The following ADGRL2 variants were observed in gnomAD, a reference collection of about 807,000 sequenced individuals.
The protein encoded by ADGRL2 is adhesion G protein-coupled receptor L2.
In ADGRL2, 44 loss-of-function variants were observed where a neutral mutation model predicts 157.4. The ratio of observed to expected loss-of-function variants is 0.28; its 90% CI spans 0.22 to 0.36. ADGRL2 has a LOEUF of 0.36. ADGRL2 is among the 10% of genes least tolerant of loss of function. ADGRL2 has a pLI of 1.00. For missense variants in ADGRL2, 1,510 were observed against 1,768.9 expected, an observed-to-expected ratio of 0.85 and a Z score of 2.63; for synonymous variants, 585 against 624.7, an observed-to-expected ratio of 0.94 and a Z score of 0.95.
chr1:81,581,901 CA>C (rs2080921685), intron 3 of ADGRL2, among the ~76,000 whole-genome samples: 4 of 151,716 alleles, frequency 2.6e-5, no homozygotes, highest in African/African-American at 9.7e-5. Flanking sequence ...CACACACACA[CA>C]CACACACACC....
intron 1 of ADGRL2, among the ~76,000 whole-genome samples, chr1:81,441,485 A>G (rs1230955301): frequency 6.6e-6 from 1 of 152,154 alleles, no homozygotes; most frequent in Non-Finnish European, 1.5e-5. Context: ...CCTCTAGCCC[A>G]AACTGAATAT....
chr1:81,507,625 C>T (rs893449180), intron 2 of ADGRL2, among the ~76,000 whole-genome samples: 1 of 152,034 alleles, frequency 6.6e-6, no homozygotes, highest in East Asian at 1.9e-4. Context: ...TTGTCATAAG[C>T]GGAAAAGGAT....
chr1:81,691,623 C>T (rs920430440), intron 3 of ADGRL2, among the ~76,000 whole-genome samples: 3 of 151,692 alleles, frequency 2.0e-5, no homozygotes, highest in Non-Finnish European at 2.9e-5. Flanking sequence ...CTCAGCCTCT[C>T]GAGTAGCTGG....
At chr1:81,781,663 A>C (rs1007521243) in intron 2 of ADGRL2, among the ~76,000 whole-genome samples, 10 of 152,304 alleles carry the variant, frequency 6.6e-5, no homozygotes, top group Non-Finnish European at 1.3e-4. Context: ...CAGTGTATTT[A>C]GCCAAGGATA....
In ADGRL2 at chr1:81,404,571, C is replaced by A. The variant is rs578252290; in HGVS notation, c.-301-40465C>A. ...TCAAACCCAGAACTTAAGCTCTCAGCCACTTCACTCAGAAACTTTGAATAA... is the reference window on the plus strand; with the variant it reads ...TCAAACCCAGAACTTAAGCTCTCAGACACTTCACTCAGAAACTTTGAATAA... On this transcript the variant is annotated intron_variant, in intron 1 of 24. Transcript: ENST00000370721. Among the ~76,000 whole-genome samples the A allele has an allele frequency of 3.6e-4, 55 of 152,258 alleles. 2 individuals carry two copies. The highest frequency in any genetic ancestry group is 5.8e-4 in the East Asian group (3 of 5,182).
Position 81,714,014 on chromosome 1 carries a change from G to A in ADGRL2, c.-143+14206G>A, listed in dbSNP as rs1354388076. ...AAAAAGCGTTTCTTACATGGCAGCA[G>A]GCAAGAGGGTGTGTGCAGGGGAACT... On this transcript the variant is annotated intron_variant, in intron 1 of 20. Transcript: ENST00000359929. 2.0e-5 allele frequency among the ~76,000 whole-genome samples: 3 copies of A among 152,166 alleles called. No individual in the cohort carries two copies. The East Asian group carries it at 5.8e-4, about 29-fold the overall frequency.
intron 3 of ADGRL2, among the ~76,000 whole-genome samples, chr1:81,931,281 A>G (rs1390223973): frequency 6.6e-6 from 1 of 152,194 alleles, no homozygotes; most frequent in African/African-American, 2.4e-5. Context: ...ACGAATTTTA[A>G]TGTCAGAAAT....
At chr1:81,440,403 A>G (rs532555423) in intron 1 of ADGRL2, among the ~76,000 whole-genome samples, 2 of 152,312 alleles carry the variant, frequency 1.3e-5, no homozygotes, top group Non-Finnish European at 1.5e-5. Flanking sequence ...ATCAGTACTT[A>G]AAGGTTGGAC....
intron 2 of ADGRL2, among the ~76,000 whole-genome samples, chr1:81,883,009 G>T (rs923998035): frequency 2.6e-5 from 4 of 152,064 alleles, no homozygotes; most frequent in Non-Finnish European, 5.9e-5. Context: ...ACTTAATTAT[G>T]TCTTTTCTTG....
At chr1:81,885,996 CA>C (rs1235589705) in intron 2 of ADGRL2, among the ~76,000 whole-genome samples, 14 of 152,150 alleles carry the variant, frequency 9.2e-5, no homozygotes, top group Non-Finnish European at 1.6e-4. Flanking sequence ...CGATGGTAAT[CA>C]ATGCTTACTA....
At chr1:81,578,045 A>C (rs980205527) in intron 2 of ADGRL2, among the ~76,000 whole-genome samples, 1 of 152,196 alleles carries the variant, frequency 6.6e-6, no homozygotes, top group African/African-American at 2.4e-5. Flanking sequence ...TTTCATTTCA[A>C]GAAATAAATG....
chr1:81,800,946 G>A lies in ADGRL2; in HGVS notation c.-223G>A, dbSNP rs888463655. 4.7e-5 allele frequency among the ~76,000 whole-genome samples: 7 copies of A among 149,236 alleles called. No homozygotes were observed. The highest frequency in any genetic ancestry group is 1.0e-4 in the Non-Finnish European group (7 of 67,038). Reference sequence around the variant, plus strand: ...GGGCGCGTTCCACGGCCGTGCGCGCGCGTCCCTCGCCGCCACCGCCGCCCG... The same window carrying A: ...GGGCGCGTTCCACGGCCGTGCGCGCACGTCCCTCGCCGCCACCGCCGCCCG... On this transcript the variant is annotated 5_prime_UTR_variant, in exon 1 of 24. Coordinates refer to ENST00000686636, the MANE Select transcript of ADGRL2 (RefSeq NM_001366006.2).
At position 81,452,964 on chromosome 1, in the gene ADGRL2, C is replaced by T. The variant is rs926122156; in HGVS notation, c.-248+7875C>T. Among the ~76,000 whole-genome samples, 3 of 152,254 alleles carry T rather than the reference C, an allele frequency of 2.0e-5. No homozygotes were observed. The East Asian group carries it at 5.8e-4, about 29-fold the overall frequency. ...AAAATGCAGACATTCTACATCAAGG[C>T]AGATATTGCCAGCAAGAGGTCTGTG... is the stretch of plus-strand genomic sequence containing the variant. On this transcript the variant is annotated intron_variant, in intron 2 of 24. Transcript: ENST00000370721.
At chr1:81,586,613 A>G (rs2081031220) in intron 3 of ADGRL2, among the ~76,000 whole-genome samples, 2 of 152,126 alleles carry the variant, frequency 1.3e-5, no homozygotes, top group African/African-American at 4.8e-5. Flanking sequence ...GTAAAGAAAT[A>G]ATTTTATTTA....
chr1:81,411,933 C>G (rs1459785987), intron 1 of ADGRL2, among the ~76,000 whole-genome samples: 4 of 151,138 alleles, frequency 2.6e-5, no homozygotes, highest in Admixed American at 2.6e-4. Flanking sequence ...GGTTTGGTTT[C>G]TGAATGTAGT....
At chr1:81,449,135 C>G (rs1466007481) in intron 2 of ADGRL2, among the ~76,000 whole-genome samples, 3 of 151,848 alleles carry the variant, frequency 2.0e-5, no homozygotes, top group Non-Finnish European at 4.4e-5. Context: ...GGCTAAATAA[C>G]CAGTGATACT....
intron 3 of ADGRL2, among the ~76,000 whole-genome samples, chr1:81,683,387 A>T (rs192442628): frequency 1.3e-3 from 198 of 152,216 alleles, no homozygotes; most frequent in African/African-American, 4.5e-3. Context: ...ATTTTGGTGC[A>T]TCCATCAACC....
chr1:81,874,972 G>A (rs1397110037), intron 2 of ADGRL2, among the ~76,000 whole-genome samples: 1 of 152,126 alleles, frequency 6.6e-6, no homozygotes, highest in Admixed American at 6.6e-5. Flanking sequence ...CTCCCAATGT[G>A]CTGGGATTAC....
chr1:81,929,719 C>T (rs949343790), intron 3 of ADGRL2, among the ~76,000 whole-genome samples: 19 of 152,106 alleles, frequency 1.2e-4, no homozygotes, highest in African/African-American at 3.9e-4. Context: ...GTAAAGAGTA[C>T]GCACAGTGCA....
Sources: gnomAD v4.1 joint callset for allele counts (sites outside exome capture counted in the v4.1 genomes callset) on GRCh38, gnomAD v4.1.1 for gene constraint, MANE v1.5 for transcripts, NCBI Gene and HGNC (gene_info 2026-07-23, HGNC 2026-07-21) for gene names.